The following ENTHD1 variants were observed in gnomAD, a reference collection of about 807,000 sequenced individuals.
ENTHD1 encodes ENTH domain-containing protein 1.
ENTHD1 carries 23 observed loss-of-function variants against 39.1 expected under a neutral mutation model. That is an observed-to-expected ratio of 0.59 (90% CI 0.42 to 0.83). The LOEUF (loss-of-function observed/expected upper bound fraction) is 0.83, where lower values mean the gene tolerates loss of function less well. ENTHD1 is among the 40% of genes least tolerant of loss of function. The pLI is 0.00. For synonymous variants in ENTHD1, 230 were observed against 258.2 expected, an observed-to-expected ratio of 0.89 and a Z score of 1.05; for missense variants, 624 against 705.4, an observed-to-expected ratio of 0.88 and a Z score of 1.31.
intron 6 of ENTHD1, among the ~76,000 whole-genome samples, chr22:39,752,472 T>C (rs971493777): frequency 1.1e-4 from 16 of 152,354 alleles, no homozygotes; most frequent in African/African-American, 3.6e-4. Flanking sequence ...GTTTCTGAAT[T>C]AGTGGTGATG....
At chr22:39,748,432 T>C (rs78785948) in intron 6 of ENTHD1, among the ~76,000 whole-genome samples, 11,074 of 152,090 alleles carry the variant, frequency 0.073, 587 homozygotes, top group Non-Finnish European at 0.12. Context: ...CTTTTCTTTT[T>C]TTTTTTTGAG....
In ENTHD1 at chr22:39,828,562, C is replaced by G; in HGVS notation, c.711+7278G>C. On this transcript the variant is annotated intron_variant, in intron 4 of 6. Transcript: ENST00000325157. ...AAGGCAGTAGGAAACAAATATTTAT[C>G]GTGTATCACTATCAATTTAGTAAAT... is the stretch of plus-strand genomic sequence containing the variant. Among the ~76,000 whole-genome samples, 2 of 152,124 alleles carry G rather than the reference C, an allele frequency of 1.3e-5. 1 individual carries two copies. Among genetic ancestry groups the G allele is most frequent in the Non-Finnish European group, 2.9e-5 (2 of 68,010 alleles).
intron 2 of ENTHD1, among the ~76,000 whole-genome samples, 160 bp downstream of exon 2, chr22:39,887,240 G>T (rs1348184488): frequency 1.3e-5 from 2 of 152,014 alleles, no homozygotes; most frequent in Non-Finnish European, 2.9e-5. Context: ...TCTCTATGTT[G>T]CCCAGGCCGG....
intron 1 of ENTHD1, among the ~76,000 whole-genome samples, chr22:39,892,826 A>G (rs137954): frequency 0.081 from 12,331 of 152,306 alleles, 688 homozygotes; most frequent in South Asian, 0.13. Flanking sequence ...AGCTCTGGCC[A>G]AGAATGCTAC....
intron 2 of ENTHD1, among the ~76,000 whole-genome samples, chr22:39,866,364 C>T (rs1233398961): frequency 6.6e-6 from 1 of 152,202 alleles, no homozygotes; most frequent in Admixed American, 6.5e-5. Flanking sequence ...CAGAAAAAGA[C>T]AAGGTCCCTG....
intron 5 of ENTHD1, among the ~76,000 whole-genome samples, chr22:39,799,137 C>G (rs2065577188): frequency 6.6e-6 from 1 of 152,202 alleles, no homozygotes; most frequent in South Asian, 2.1e-4. Context: ...TCCAGGCTCC[C>G]TGCAGTGGAG....
At position 39,869,909 on chromosome 22, in the gene ENTHD1, T is replaced by TA. The variant is rs1601657416; in HGVS notation, c.350-7903dup. Among the ~76,000 whole-genome samples the TA allele has an allele frequency of 3.9e-5, 6 of 152,040 alleles. No homozygotes were observed. The South Asian group carries it at 1.0e-3, about 26-fold the overall frequency. On this transcript the variant is annotated intron_variant, in intron 2 of 6. Transcript: ENST00000325157. ...AAAACTACAGTCATTGAGATTTTTT[T>TA]AAAAAAATTCAACATCCAAGGTAAA... is the stretch of plus-strand genomic sequence containing the variant.
At chr22:39,766,019 C>CAAAAAAAAAAAAAAAAAAAAAAAAAAAAA (rs11367784) in intron 5 of ENTHD1, among the ~76,000 whole-genome samples, 6 of 48,348 alleles carry the variant, frequency 1.2e-4, no homozygotes, top group Admixed American at 6.9e-4. Flanking sequence ...CCCTCAGCTA[C>CAAAAAAAAAAAAAAAAAAAAAAAAAAAAA]AAAAAAAAAA....
intron 5 of ENTHD1, among the ~76,000 whole-genome samples, chr22:39,786,021 C>G (rs1157849303): frequency 6.6e-6 from 1 of 152,204 alleles, no homozygotes; most frequent in Non-Finnish European, 1.5e-5. Flanking sequence ...AACTGATCCA[C>G]TTCAGCTTCT....
intron 5 of ENTHD1, among the ~76,000 whole-genome samples, chr22:39,787,402 A>G (rs2065468397): frequency 1.3e-5 from 2 of 152,206 alleles, no homozygotes; most frequent in Admixed American, 6.5e-5. Context: ...TAAAAGAGAA[A>G]AACAATTAAG....
At chr22:39,757,188 A>G (rs1380458347) in intron 6 of ENTHD1, among the ~76,000 whole-genome samples, 6 of 152,204 alleles carry the variant, frequency 3.9e-5, no homozygotes, top group Admixed American at 2.0e-4. Flanking sequence ...CAGAGGTCTT[A>G]CATGTCTTTT....
At chr22:39,893,189 C>G (rs1336563530) in intron 1 of ENTHD1, 1 of 152,180 alleles carries the variant, frequency 6.6e-6, no homozygotes, top group Non-Finnish European at 1.5e-5. Context: ...GACTTAACAA[C>G]TTCTCTAAGT....
chr22:39,744,853 AT>A (rs1185220862), intron 6 of ENTHD1, among the ~76,000 whole-genome samples: 2 of 152,138 alleles, frequency 1.3e-5, no homozygotes, highest in East Asian at 1.9e-4. Flanking sequence ...GTATATAATC[AT>A]TTTTTTTCTC....
intron 3 of ENTHD1, among the ~76,000 whole-genome samples, chr22:39,847,187 GC>G (rs1437770696): frequency 6.6e-6 from 1 of 152,000 alleles, no homozygotes; most frequent in Non-Finnish European, 1.5e-5. Context: ...ATACTATGCA[GC>G]CATAAAAATG....
intron 5 of ENTHD1, among the ~76,000 whole-genome samples, chr22:39,779,141 A>T (rs1001784156): frequency 6.6e-6 from 1 of 151,966 alleles, no homozygotes; most frequent in African/African-American, 2.4e-5. Context: ...ACATGGTGAA[A>T]CCCCATCTCT....
chr22:39,861,767 T>C lies in ENTHD1; in HGVS notation c.590A>G (p.Lys197Arg). 1 of 1,533,012 alleles carries C rather than the reference T, an allele frequency of 6.5e-7. No homozygotes were observed. Among genetic ancestry groups the C allele is most frequent in the Non-Finnish European group, 8.8e-7 (1 of 1,131,354 alleles). 95.0% of individuals were successfully genotyped at this position (1,533,012 alleles called of 1,614,324 possible). Residue 197 changes from lysine to arginine, a missense_variant and splice_region_variant, in exon 3 of 7, where the codon AAA (lysine) becomes AGA (arginine). Coordinates refer to ENST00000325157, the MANE Select transcript of ENTHD1 (RefSeq NM_152512.4). ...KLPKFGRLHN[K>R]RNVCKAGLKQ... ...AGGCCAATGTTCATTATACGTACTT[T>C]TATTATGTAACCTTCCAAACTTAGG...
At chr22:39,849,231 A>G (rs1035027955) in intron 3 of ENTHD1, among the ~76,000 whole-genome samples, 12 of 152,312 alleles carry the variant, frequency 7.9e-5, no homozygotes, top group Non-Finnish European at 1.8e-4. Flanking sequence ...TTCAACTCTT[A>G]AAACCCTTTT....
intron 6 of ENTHD1, among the ~76,000 whole-genome samples, chr22:39,747,840 A>G (rs2065117458): frequency 6.6e-6 from 1 of 152,196 alleles, no homozygotes; most frequent in Non-Finnish European, 1.5e-5. Flanking sequence ...CACACACGAA[A>G]ATAATAATGG....
chr22:39,863,333 G>GT (rs1373191094), intron 2 of ENTHD1, among the ~76,000 whole-genome samples: 1 of 152,150 alleles, frequency 6.6e-6, no homozygotes, highest in Non-Finnish European at 1.5e-5. Flanking sequence ...TTTCTCTGAC[G>GT]TAACATCCTA....
Sources: allele counts gnomAD v4.1 joint callset (sites outside exome capture counted in the v4.1 genomes callset), GRCh38; gene constraint gnomAD v4.1.1; transcripts MANE v1.5; gene names NCBI Gene and HGNC (gene_info 2026-07-23, HGNC 2026-07-21).